Variants in PACRGL observed in about 807,000 individuals in gnomAD.
PACRGL encodes the protein parkin coregulated like.
A neutral mutation model predicts 34.5 loss-of-function variants in PACRGL; 38 were observed. That is an observed-to-expected ratio of 1.10 (90% CI 0.85 to 1.44). The LOEUF (loss-of-function observed/expected upper bound fraction) is 1.44, where lower values mean the gene tolerates loss of function less well. PACRGL is among the 40% of genes most tolerant of loss of function. The probability of loss-of-function intolerance (pLI) is 0.00; values close to 1 mark genes in which losing one functional copy is unlikely to be tolerated. For synonymous variants in PACRGL, 128 were observed against 100.1 expected (o/e 1.28, Z -1.66); for missense variants, 305 against 281.4 (o/e 1.08, Z -0.60).
rs541775726 is a variant in PACRGL, at chr4:20,717,932, G to A, written c.609+4393G>A. Among the ~76,000 whole-genome samples the A allele has an allele frequency of 1.1e-3, 170 of 152,272 alleles. No homozygotes were observed. In the Middle Eastern group the frequency reaches 0.02, roughly 18 times the overall value. ...TCTGTAAATTACCTTGGGCAGTATG[G>A]CCATTTTCACCATATTGATTCTTCC... On this transcript the variant is annotated intron_variant, in intron 7 of 8. Coordinates refer to ENST00000503585, the MANE Select transcript of PACRGL (RefSeq NM_001258345.3).
At position 20,728,032 on chromosome 4, in the gene PACRGL, C is replaced by G. The variant is rs1188600669; in HGVS notation, c.*691C>G. 6.6e-6 allele frequency: 1 copy of G among 152,266 alleles called. No homozygotes were observed. The highest frequency in any genetic ancestry group is 1.5e-5 in the Non-Finnish European group (1 of 68,166). 9.4% of individuals were successfully genotyped at this position (152,266 alleles called of 1,614,324 possible). ...CTCAGAATTCTGGTGAGTGATCCTCCCACAGTGGACTTCCAAAGTGCTGGG... is the reference window on the plus strand; with the variant it reads ...CTCAGAATTCTGGTGAGTGATCCTCGCACAGTGGACTTCCAAAGTGCTGGG... On this transcript the variant is annotated 3_prime_UTR_variant, in exon 9 of 9. Coordinates refer to ENST00000503585, the MANE Select transcript of PACRGL (RefSeq NM_001258345.3).
intron 3 of PACRGL, among the ~76,000 whole-genome samples, chr4:20,705,252 A>G (rs150853608): frequency 4.1e-4 from 63 of 152,314 alleles, no homozygotes; most frequent in African/African-American, 1.4e-3. Flanking sequence ...CTCTCCTAAC[A>G]ATTTAATGAG....
upstream of PACRGL, among the ~76,000 whole-genome samples, chr4:20,697,520 A>G (rs1013982787): frequency 6.6e-6 from 1 of 152,182 alleles, no homozygotes; most frequent in African/African-American, 2.4e-5. Context: ...CAATTTGAAG[A>G]AATTTTATTT....
chr4:20,758,964 A>G, the PACRGL span: 3 of 1,152,512 alleles, frequency 2.6e-6, no homozygotes, highest in Non-Finnish European at 2.6e-6. Context: ...ATTTTGAAAC[A>G]GAACTGTCTA....
chr4:20,698,993 GGTGA>G (rs1344541784), upstream of PACRGL, among the ~76,000 whole-genome samples: 1 of 152,130 alleles, frequency 6.6e-6, no homozygotes, highest in Admixed American at 6.5e-5. Context: ...GATAAGGGGT[GGTGA>G]GTTTTAGATA....
At chr4:20,764,184 CTA>C in the PACRGL span, among the ~76,000 whole-genome samples, 2 of 151,912 alleles carry the variant, frequency 1.3e-5, no homozygotes, top group South Asian at 2.1e-4. Flanking sequence ...AATATGCCCT[CTA>C]TAGAAAAAAA....
chr4:20,742,796 G>GA (rs1751459399), intron 8 of PACRGL, among the ~76,000 whole-genome samples: 1 of 152,134 alleles, frequency 6.6e-6, no homozygotes, highest in South Asian at 2.1e-4. Flanking sequence ...CGGATGACAT[G>GA]ATTGTATATT....
At chr4:20,716,572 G>C (rs1740134514) in intron 7 of PACRGL, among the ~76,000 whole-genome samples, 1 of 152,180 alleles carries the variant, frequency 6.6e-6, no homozygotes, top group Non-Finnish European at 1.5e-5. Flanking sequence ...CTATGAGTGA[G>C]AACATGCCGT....
intron 7 of PACRGL, among the ~76,000 whole-genome samples, chr4:20,722,623 T>A (rs7681691): frequency 0.33 from 49,693 of 152,032 alleles, 8,581 homozygotes; most frequent in African/African-American, 0.43. Context: ...TGTGGTTGAC[T>A]TTAGTCTACA....
At position 20,731,779 on chromosome 4, in the gene PACRGL, TG is replaced by T. The variant is rs1748296010; in HGVS notation, c.*4439del. The T allele has an allele frequency of 1.0e-6, 1 of 985,434 alleles. No homozygotes were observed. Among genetic ancestry groups the T allele is most frequent in the Middle Eastern group, 5.2e-4 (1 of 1,914 alleles). The allele number at this position is 985,434 out of a possible 1,614,324, so 61.0% of individuals were successfully genotyped here. A position where few individuals can be genotyped will look rare whatever the true frequency, so the allele number is the denominator to read the frequency against. ...ATCAACACAGTACATGTACAACTTT[TG>T]TATCCCCAGGGTTTCCTCCATAGCC... On this transcript the variant is annotated 3_prime_UTR_variant, in exon 9 of 9. Coordinates refer to ENST00000503585, the MANE Select transcript of PACRGL (RefSeq NM_001258345.3).
Position 20,700,642 on chromosome 4 carries a change from A to C in PACRGL, c.-162A>C, listed in dbSNP as rs1347699995. ...GGTGTCCTGTCTGCGCTCTCTGCCA[A>C]GCCGGCTTGCTTCCTGATCTGTTGC... is the stretch of plus-strand genomic sequence containing the variant. On this transcript the variant is annotated 5_prime_UTR_variant, in exon 1 of 9. Transcript: ENST00000503585. 2 of 152,078 alleles carry C rather than the reference A, an allele frequency of 1.3e-5. No individual in the cohort carries two copies. The highest frequency in any genetic ancestry group is 2.9e-5 in the Non-Finnish European group (2 of 68,066). The allele number at this position is 152,078 out of a possible 1,614,324, so 9.4% of individuals were successfully genotyped here.
At position 20,707,847 on chromosome 4, in the gene PACRGL, C is replaced by T; in HGVS notation, c.252C>T (p.Tyr84=). 6.2e-7 allele frequency: 1 copy of T among 1,613,412 alleles called. No homozygotes were observed. Among genetic ancestry groups the T allele is most frequent in the Non-Finnish European group, 8.5e-7 (1 of 1,179,454 alleles). ...SRVPSAFAAI[Y]SKGGIPCRLV... ...TGCCTTCTGCATTTGCAGCTATTTA[C>T]TCTAAAGGAGGTATTCCTTGCAGGT... The change falls in exon 4 of 9, where the codon TAC becomes TAT. Residue 84 remains tyrosine (Y), a synonymous_variant. Transcript: ENST00000503585.
intron 5 of PACRGL, among the ~76,000 whole-genome samples, chr4:20,712,184 T>C (rs1033714147): frequency 1.3e-5 from 2 of 151,906 alleles, no homozygotes; most frequent in Non-Finnish European, 2.9e-5. Context: ...CCTTCCTATT[T>C]TATTTTCTCT....
In PACRGL at chr4:20,707,969, A is replaced by T. The variant is rs1356180571; in HGVS notation, c.275+99A>T. 5 of 896,968 alleles carry T rather than the reference A, an allele frequency of 5.6e-6. No individual in the cohort carries two copies. In the East Asian group the frequency reaches 1.3e-4, roughly 23 times the overall value. The allele number at this position is 896,968 out of a possible 1,614,324, so 55.6% of individuals were successfully genotyped here. On this transcript the variant is annotated intron_variant, in intron 4 of 8. Transcript: ENST00000503585. Reference sequence around the variant, plus strand: ...AAATGTATTGTAAGTTTTATTTACTAGTGAGGTTGAAATAAAGATGACTTT... The same window carrying T: ...AAATGTATTGTAAGTTTTATTTACTTGTGAGGTTGAAATAAAGATGACTTT...
downstream of PACRGL, among the ~76,000 whole-genome samples, chr4:20,755,565 G>T (rs1416021715): frequency 6.6e-6 from 1 of 152,186 alleles, no homozygotes; most frequent in Non-Finnish European, 1.5e-5. Context: ...TTCCCCTGGA[G>T]CTGACATTCT....
intron 8 of PACRGL, among the ~76,000 whole-genome samples, chr4:20,738,357 T>G (rs1750210182): frequency 6.6e-6 from 1 of 152,130 alleles, no homozygotes; most frequent in Non-Finnish European, 1.5e-5. Flanking sequence ...GAGTATTGGT[T>G]CTCAAAATAT....
intron 3 of PACRGL, among the ~76,000 whole-genome samples, chr4:20,707,119 A>G (rs981248845): frequency 1.3e-5 from 2 of 152,166 alleles, no homozygotes; most frequent in African/African-American, 2.4e-5. Context: ...CATGTGATAA[A>G]ATATTTACTT....
At chr4:20,699,034 T>G (rs1731418821), upstream of PACRGL, among the ~76,000 whole-genome samples, 3 of 152,306 alleles carry the variant, frequency 2.0e-5, no homozygotes, top group South Asian at 6.2e-4. Flanking sequence ...CATATGCTTG[T>G]CATTCCTCTG....
downstream of PACRGL, chr4:20,732,574 T>C (rs1748584983): frequency 4.1e-6 from 3 of 733,000 alleles, no homozygotes; most frequent in Non-Finnish European, 7.2e-6. Context: ...TTTGTTTCAG[T>C]AAAAATTATT....
Sources: allele counts gnomAD v4.1 joint callset (sites outside exome capture counted in the v4.1 genomes callset), GRCh38; gene constraint gnomAD v4.1.1; transcripts MANE v1.5; gene names NCBI Gene and HGNC (gene_info 2026-07-23, HGNC 2026-07-21).